The following GNB4 variants were observed in gnomAD, a reference collection of about 807,000 sequenced individuals.
The protein encoded by GNB4 is G protein subunit beta 4, also known as guanine nucleotide-binding protein subunit beta-4.
GNB4 carries 28 observed loss-of-function variants against 45.2 expected under a neutral mutation model. The ratio of observed to expected loss-of-function variants is 0.62; its 90% CI spans 0.46 to 0.85. The LOEUF (loss-of-function observed/expected upper bound fraction) is 0.85, where lower values mean the gene tolerates loss of function less well. Ranked by LOEUF, GNB4 falls within the 40% of genes least tolerant of loss-of-function variation. The pLI, the probability that GNB4 is intolerant of heterozygous loss-of-function variation, is 0.00. For missense variants in GNB4, 321 were observed against 425.4 expected, an observed-to-expected ratio of 0.75 and a Z score of 2.16; for synonymous variants, 132 against 143.7, an observed-to-expected ratio of 0.92 and a Z score of 0.58.
rs1428694309 is a variant in GNB4, at chr3:179,399,262, G to C, written c.*1951C>G. 1 of 152,058 alleles carries C rather than the reference G, an allele frequency of 6.6e-6. No homozygotes were observed. Among genetic ancestry groups the C allele is most frequent in the Non-Finnish European group, 1.5e-5 (1 of 68,032 alleles). The allele number at this position is 152,058 out of a possible 1,614,324, so 9.4% of individuals were successfully genotyped here. A position where few individuals can be genotyped will look rare whatever the true frequency, so the allele number is the denominator to read the frequency against. ...CTGTCGCCTAGGCTGGAGTGCAGTG[G>C]CACAATCTCGGCTCACTGCAACCTC... On this transcript the variant is annotated 3_prime_UTR_variant, in exon 10 of 10. Transcript: ENST00000232564.
chr3:179,523,426 G>C, the GNB4 span, among the ~76,000 whole-genome samples: 1 of 152,180 alleles, frequency 6.6e-6, no homozygotes, highest in Non-Finnish European at 1.5e-5. Flanking sequence ...AGAATAATGG[G>C]TTGTGGAGGG....
chr3:179,496,010 A>G, the GNB4 span, among the ~76,000 whole-genome samples: 2 of 152,214 alleles, frequency 1.3e-5, no homozygotes, highest in Non-Finnish European at 2.9e-5. Context: ...ATGGAAGTGT[A>G]AAATTCACTG....
chr3:179,465,259 C>A, the GNB4 span: 2 of 1,488,776 alleles, frequency 1.3e-6, no homozygotes, highest in South Asian at 1.1e-5. Context: ...CCGGTTATAT[C>A]ACTCCAGTTC....
At chr3:179,415,768 A>G (rs1047177924) in intron 5 of GNB4, among the ~76,000 whole-genome samples, 1 of 152,230 alleles carries the variant, frequency 6.6e-6, no homozygotes, top group African/African-American at 2.4e-5. Flanking sequence ...TTATGAAAAT[A>G]TAGTTGAAAG....
At chr3:179,493,091 A>G in the GNB4 span, among the ~76,000 whole-genome samples, 2 of 152,298 alleles carry the variant, frequency 1.3e-5, no homozygotes, top group Admixed American at 6.5e-5. Context: ...TCCACTGAAA[A>G]CAGTCTATAA....
chr3:179,484,515 T>A, the GNB4 span, among the ~76,000 whole-genome samples: 1 of 152,024 alleles, frequency 6.6e-6, no homozygotes, highest in African/African-American at 2.4e-5. Flanking sequence ...CATAATTGAG[T>A]TTCAAAGAGG....
intron 2 of GNB4, among the ~76,000 whole-genome samples, chr3:179,422,785 G>A (rs1024341158): frequency 1.3e-5 from 2 of 152,042 alleles, no homozygotes; most frequent in Non-Finnish European, 2.9e-5. Context: ...CCAGATGGGA[G>A]GAGGAAGGAA....
chr3:179,413,546 T>C lies in GNB4; in HGVS notation c.565A>G (p.Ser189Gly). 1 of 1,614,072 alleles carries C rather than the reference T, an allele frequency of 6.2e-7. No homozygotes were observed. The highest frequency in any genetic ancestry group is 8.5e-7 in the Non-Finnish European group (1 of 1,179,970). Reference protein sequence around the residue: ...TFTGHSGDVMSLSLSPDMRTF... With the variant: ...TFTGHSGDVMGLSLSPDMRTF... Reference sequence around the variant, plus strand: ...CTCATGTCAGGACTCAAAGAAAGACTCATCACATCTCCAGAATGCCCAGTG... The same window carrying C: ...CTCATGTCAGGACTCAAAGAAAGACCCATCACATCTCCAGAATGCCCAGTG... The change falls in exon 8 of 10, where the codon AGT becomes GGT. Residue 189 changes from serine to glycine, a missense_variant. Coordinates refer to ENST00000232564, the MANE Select transcript of GNB4 (RefSeq NM_021629.4).
chr3:179,505,326 A>C, the GNB4 span, among the ~76,000 whole-genome samples: 1 of 152,224 alleles, frequency 6.6e-6, no homozygotes, highest in African/African-American at 2.4e-5. Flanking sequence ...ATTTTGATAA[A>C]ATTGAGCTTC....
intron 1 of GNB4, among the ~76,000 whole-genome samples, chr3:179,440,880 T>TAGAGAGAGAG (rs141411562): frequency 0.026 from 3,876 of 149,100 alleles, 185 homozygotes; most frequent in African/African-American, 0.09. Flanking sequence ...TATAGATAGA[T>TAGAGAGAGAG]AGAGAGAGAG....
chr3:179,403,198 C>T (rs1560208772), intron 9 of GNB4, among the ~76,000 whole-genome samples: 1 of 151,956 alleles, frequency 6.6e-6, no homozygotes, highest in Non-Finnish European at 1.5e-5. Context: ...CAGCCACGTG[C>T]CCAGAGCTTC....
At position 179,413,736 on chromosome 3, in the gene GNB4, G is replaced by C. The variant is rs1714716189; in HGVS notation, c.476C>G (p.Thr159Arg). The C allele has an allele frequency of 6.2e-7, 1 of 1,609,922 alleles. No individual in the cohort carries two copies. Among genetic ancestry groups the C allele is most frequent in the Non-Finnish European group, 8.5e-7 (1 of 1,178,240 alleles). The change falls in exon 7 of 10, where the codon ACA becomes AGA. Residue 159 changes from threonine (T) to arginine (R), a missense_variant. Coordinates refer to ENST00000232564, the MANE Select transcript of GNB4 (RefSeq NM_021629.4). Reference protein sequence around the residue: ...CRFLDDSQIVTSSGDTTCALW... With the variant: ...CRFLDDSQIVRSSGDTTCALW... ...TTACCAAGTTGTATCTCCTGAACTT[G>C]TAACAATTTGGCTGTCATCTAAAAA...
the GNB4 span, among the ~76,000 whole-genome samples, chr3:179,502,453 G>A: frequency 1.3e-4 from 19 of 151,722 alleles, no homozygotes; most frequent in African/African-American, 2.9e-4. Context: ...CGCTGCTCTC[G>A]AACTCCTGAC....
intron 8 of GNB4, 142 bp downstream of exon 8, chr3:179,413,270 A>T (rs1005697267): frequency 7.7e-6 from 5 of 648,726 alleles, no homozygotes; most frequent in Non-Finnish European, 1.3e-5. Context: ...AAAATCAAAA[A>T]CCCTTATGAC....
At chr3:179,447,265 A>G (rs568077918) in intron 1 of GNB4, among the ~76,000 whole-genome samples, 47 of 151,628 alleles carry the variant, frequency 3.1e-4, no homozygotes, top group Non-Finnish European at 4.7e-4. Flanking sequence ...CGAGGCTGGA[A>G]GAGAGTGAGC....
the GNB4 span, among the ~76,000 whole-genome samples, chr3:179,470,330 A>T: frequency 3.3e-5 from 5 of 152,172 alleles, no homozygotes; most frequent in South Asian, 4.2e-4. Flanking sequence ...CTTGTGTGTT[A>T]TTGCCCCTGA....
At chr3:179,468,203 A>C in the GNB4 span, among the ~76,000 whole-genome samples, 8 of 151,132 alleles carry the variant, frequency 5.3e-5, no homozygotes, top group African/African-American at 1.9e-4. Flanking sequence ...GTCTCTAAAA[A>C]ACAAAAACAA....
the GNB4 span, chr3:179,465,060 A>G: frequency 6.7e-7 from 1 of 1,492,058 alleles, no homozygotes; most frequent in Non-Finnish European, 9.3e-7. Context: ...TCCAAAGAGC[A>G]GTTGAAGAAA....
intron 1 of GNB4, among the ~76,000 whole-genome samples, chr3:179,427,235 A>AC (rs1353009650): frequency 6.6e-6 from 1 of 151,314 alleles, no homozygotes; most frequent in African/African-American, 2.4e-5. Context: ...TGCTCCTCTT[A>AC]CCCTGTCTTG....
Sources: gnomAD v4.1 joint callset for allele counts (sites outside exome capture counted in the v4.1 genomes callset) on GRCh38, gnomAD v4.1.1 for gene constraint, MANE v1.5 for transcripts, NCBI Gene and HGNC (gene_info 2026-07-23, HGNC 2026-07-21) for gene names.